Variants in AGO4 observed in about 807,000 individuals in gnomAD.
AGO4 encodes the protein protein argonaute-4.
AGO4 carries 33 observed loss-of-function variants against 104.7 expected under a neutral mutation model. The ratio of observed to expected loss-of-function variants is 0.32; its 90% confidence interval spans 0.24 to 0.42. The LOEUF (loss-of-function observed/expected upper bound fraction) is 0.42, where lower values mean the gene tolerates loss of function less well. Ranked by LOEUF, AGO4 falls within the 10% of genes least tolerant of loss-of-function variation. AGO4 has a pLI of 1.00. For synonymous variants in AGO4, 331 were observed against 364.7 expected (o/e 0.91, Z 1.05); for missense variants, 711 against 1,083.4 (o/e 0.66, Z 4.83).
chr1:35,853,718 C>G lies in AGO4; in HGVS notation c.*113C>G, dbSNP rs946678459. 28 of 809,680 alleles carry G rather than the reference C, an allele frequency of 3.5e-5. No homozygotes were observed. The highest frequency in any genetic ancestry group is 5.2e-5 in the Non-Finnish European group (26 of 495,338). 50.2% of individuals were successfully genotyped at this position (809,680 alleles called of 1,614,324 possible). A position where few individuals can be genotyped will look rare whatever the true frequency, so the allele number is the denominator to read the frequency against. ...TTGACTTCAGGTGGTCTTCTACCAG[C>G]AGCTCGGAATAGTTGCACTGAATCT... On this transcript the variant is annotated 3_prime_UTR_variant, in exon 18 of 18. Coordinates refer to ENST00000373210, the MANE Select transcript of AGO4 (RefSeq NM_017629.4).
intron 15 of AGO4, among the ~76,000 whole-genome samples, chr1:35,842,298 C>T (rs1644464897): frequency 6.6e-6 from 1 of 151,996 alleles, no homozygotes; most frequent in Non-Finnish European, 1.5e-5. Context: ...ACAGTTTCAT[C>T]CCAAAACCAT....
At chr1:35,823,590 T>G (rs2148659311) in intron 3 of AGO4, among the ~76,000 whole-genome samples, 1 of 150,262 alleles carries the variant, frequency 6.7e-6, no homozygotes, top group East Asian at 2.0e-4. Context: ...CACGCCCAGA[T>G]CATTGTTGTA....
intron 15 of AGO4, among the ~76,000 whole-genome samples, chr1:35,842,599 C>T (rs1161781208): frequency 6.6e-6 from 1 of 152,116 alleles, no homozygotes; most frequent in Admixed American, 6.6e-5. Context: ...GTCAGGAGTT[C>T]GAGGCCAGCC....
intron 16 of AGO4, 37 bp from the exon 17 acceptor site, chr1:35,850,817 C>CAAAAA: frequency 6.1e-6 from 6 of 978,512 alleles, no homozygotes; most frequent in Admixed American, 3.0e-5. Flanking sequence ...AAAAAACGAA[C>CAAAAA]AAAAAAAAAA....
At chr1:35,836,088 C>G (rs1237494030) in intron 13 of AGO4, 95 bp downstream of exon 13, 1 of 1,348,658 alleles carries the variant, frequency 7.4e-7, no homozygotes, top group Non-Finnish European at 1.0e-6. Flanking sequence ...TCTAGATTAC[C>G]TTTTCTCTTG....
intron 1 of AGO4, among the ~76,000 whole-genome samples, chr1:35,814,232 T>G (rs748688841): frequency 2.6e-5 from 4 of 152,208 alleles, no homozygotes; most frequent in Non-Finnish European, 5.9e-5. Flanking sequence ...ACTGTTCAGT[T>G]CAACATTTAT....
intron 17 of AGO4, among the ~76,000 whole-genome samples, chr1:35,853,197 GC>G (rs2148691988): frequency 6.7e-6 from 1 of 148,210 alleles, no homozygotes; most frequent in African/African-American, 2.5e-5. Context: ...CTTGCAGTGA[GC>G]CGAGATTGCG....
intron 2 of AGO4, among the ~76,000 whole-genome samples, chr1:35,822,295 G>A (rs941076639): frequency 1.3e-5 from 2 of 151,992 alleles, no homozygotes; most frequent in African/African-American, 4.8e-5. Context: ...CACTCTTGTT[G>A]CCCAGGATGG....
intron 17 of AGO4, 175 bp downstream of exon 17, chr1:35,851,228 G>A: frequency 1.5e-6 from 1 of 659,016 alleles, no homozygotes; most frequent in Non-Finnish European, 2.6e-6. Flanking sequence ...TCCAAGAAGT[G>A]CTCAGGCTTG....
Position 35,832,556 on chromosome 1 carries a change from G to A in AGO4, c.1365G>A (p.Arg455=). ...GTTTTGCACCTCAGAAACAATGTAG[G>A]GAAGATTTACTAAAGTGAGTATCTT... ...VACFAPQKQC[R]EDLLKSFTDQ... is the part of the protein sequence containing the mutation. Residue 455 remains arginine, a synonymous_variant, in exon 11 of 18, where the codon AGG becomes AGA. Coordinates refer to ENST00000373210, the MANE Select transcript of AGO4 (RefSeq NM_017629.4). The A allele has an allele frequency of 6.2e-7, 1 of 1,610,730 alleles. No homozygotes were observed. Among genetic ancestry groups the A allele is most frequent in the Non-Finnish European group, 8.5e-7 (1 of 1,179,066 alleles).
In AGO4 at chr1:35,831,975, C is replaced by CA. The variant is rs746810323; in HGVS notation, c.1116+50dup. ...TCAAGATGAGCTAGCTTTGAGATGA[C>CA]AAAAAACAAAAGAATAGAAAACTCC... On this transcript the variant is annotated intron_variant, in intron 9 of 17. Coordinates refer to ENST00000373210, the MANE Select transcript of AGO4 (RefSeq NM_017629.4). 12 of 1,605,010 alleles carry CA rather than the reference C, an allele frequency of 7.5e-6. No individual in the cohort carries two copies. In the Admixed American group the frequency reaches 1.7e-4, roughly 23 times the overall value.
chr1:35,838,812 T>C (rs929748477), intron 13 of AGO4, among the ~76,000 whole-genome samples: 1 of 152,182 alleles, frequency 6.6e-6, no homozygotes, highest in African/African-American at 2.4e-5. Context: ...TGAAATACTA[T>C]GTGTGAAAGT....
intron 15 of AGO4, among the ~76,000 whole-genome samples, chr1:35,848,950 A>AGT (rs1298431104): frequency 6.6e-6 from 1 of 152,196 alleles, no homozygotes; most frequent in Non-Finnish European, 1.5e-5. Context: ...ATACTCATAG[A>AGT]GTTATGTATG....
Position 35,825,694 on chromosome 1 carries a change from C to A in AGO4, c.504C>A (p.Gly168=). Residue 168 remains glycine, a synonymous_variant, in exon 5 of 18, where the codon GGC becomes GGA. Transcript: ENST00000373210. The stretch of plus-strand genomic sequence containing the variant: ...ATTTCTTCAGGTACACCCCAGTGGG[C>A]CGTTCCTTTTTCTCACCCCCGGAAG... ...HLPSMRYTPV[G]RSFFSPPEGY... 1 of 1,559,980 alleles carries A rather than the reference C, an allele frequency of 6.4e-7. No homozygotes were observed. The highest frequency in any genetic ancestry group is 1.2e-5 in the South Asian group (1 of 80,942).
chr1:35,835,952 A>C lies in AGO4; in HGVS notation c.1683A>C (p.Ala561=). The C allele has an allele frequency of 6.2e-7, 1 of 1,614,126 alleles. No homozygotes were observed. The highest frequency in any genetic ancestry group is 8.5e-7 in the Non-Finnish European group (1 of 1,180,008). ...TLSNLCLKIN[A]KLGGINNVLV... is the part of the protein sequence containing the mutation. ...CCAATCTTTGCCTGAAGATAAATGC[A>C]AAACTTGGAGGAATTAACAATGTGC... The change falls in exon 13 of 18, where the codon GCA becomes GCC. Residue 561 remains alanine (A), a synonymous_variant. Transcript: ENST00000373210.
At chr1:35,832,652 C>CATAATT in intron 11 of AGO4, 82 bp downstream of exon 11, 6 of 1,490,356 alleles carry the variant, frequency 4.0e-6, no homozygotes, top group Non-Finnish European at 5.4e-6. Flanking sequence ...GCTGTGTACA[C>CATAATT]TGGCACTAAA....
At chr1:35,823,581 A>G (rs1405879483) in intron 3 of AGO4, among the ~76,000 whole-genome samples, 2 of 152,118 alleles carry the variant, frequency 1.3e-5, no homozygotes, top group Non-Finnish European at 2.9e-5. Context: ...GTGTGCCACC[A>G]CGCCCAGATC....
chr1:35,821,248 G>C (rs1218204436), intron 2 of AGO4, among the ~76,000 whole-genome samples: 7 of 152,128 alleles, frequency 4.6e-5, no homozygotes, highest in Non-Finnish European at 1.0e-4. Flanking sequence ...TCTTAAGTTA[G>C]CTCTTTAAAA....
At chr1:35,848,099 C>T (rs887664604) in intron 15 of AGO4, among the ~76,000 whole-genome samples, 1 of 152,176 alleles carries the variant, frequency 6.6e-6, no homozygotes, top group African/African-American at 2.4e-5. Context: ...TCCTTCACTC[C>T]CAGCCCTTGG....
Sources: allele counts gnomAD v4.1 joint callset (sites outside exome capture counted in the v4.1 genomes callset), GRCh38; gene constraint gnomAD v4.1.1; transcripts MANE v1.5; gene names NCBI Gene and HGNC (gene_info 2026-07-23, HGNC 2026-07-21).